Variants in A2M observed in about 807,000 individuals in gnomAD.
The protein encoded by A2M is alpha-2-macroglobulin.
Under a neutral mutation model 183.9 loss-of-function variants are expected in A2M, and 128 were observed. That is an observed-to-expected ratio of 0.70 (90% confidence interval 0.60 to 0.81). The LOEUF is 0.81. Ranked by LOEUF, A2M falls within the 30% of genes least tolerant of loss-of-function variation. The pLI is 0.00. For synonymous variants in A2M, 592 were observed against 670.8 expected (o/e 0.88, Z 1.81); for missense variants, 1,495 against 1,787.6 (o/e 0.84, Z 2.95).
rs1252821370 is a variant in A2M, at chr12:9,093,660, AAAAAAAC to A, written c.2126-88_2126-82del. ...AGAATGTAATAGTTGCCACCAAAAA[AAAAAAAC>A]AAAAAACAAATCGTCTGATGAAATA... On this transcript the variant is annotated intron_variant, in intron 17 of 35. Coordinates refer to ENST00000318602, the MANE Select transcript of A2M (RefSeq NM_000014.6). 2.2e-5 allele frequency: 17 copies of A among 788,764 alleles called. No homozygotes were observed. The Admixed American group carries it at 2.5e-4, about 12-fold the overall frequency. The allele number at this position is 788,764 out of a possible 1,614,324, so 48.9% of individuals were successfully genotyped here. A position where few individuals can be genotyped will look rare whatever the true frequency, so the allele number is the denominator to read the frequency against.
In A2M at chr12:9,089,070, A is replaced by G. The variant is rs753575497; in HGVS notation, c.2770+130T>C. ...GGCCTTCCTAAGAACTATTTTCCAC[A>G]TTTGTCAAATGCATTGATGGTGCTT... On this transcript the variant is annotated intron_variant, in intron 22 of 35. Transcript: ENST00000318602. The G allele has an allele frequency of 3.3e-5, 24 of 728,806 alleles. No individual in the cohort carries two copies. In the East Asian group the frequency reaches 6.3e-4, roughly 19 times the overall value. 45.1% of individuals were successfully genotyped at this position (728,806 alleles called of 1,614,324 possible).
At chr12:9,101,942 G>A (rs749035299) in intron 11 of A2M, among the ~76,000 whole-genome samples, 50 of 152,250 alleles carry the variant, frequency 3.3e-4, no homozygotes, top group African/African-American at 1.1e-3. Context: ...TGATTAGCTT[G>A]CTTGAAATTT....
chr12:9,077,439 G>T lies in A2M; in HGVS notation c.3277-19C>A. On this transcript the variant is annotated intron_variant, in intron 26 of 35. Coordinates refer to ENST00000318602, the MANE Select transcript of A2M (RefSeq NM_000014.6). ...CTCCTCCCTGTGAATACGAGAGAGA[G>T]ATCTGAATAATTCAACTTCTGAGAA... 1 of 1,603,414 alleles carries T rather than the reference G, an allele frequency of 6.2e-7. No homozygotes were observed. Among genetic ancestry groups the T allele is most frequent in the Non-Finnish European group, 8.5e-7 (1 of 1,172,100 alleles).
chr12:9,082,258 A>G (rs1428585967), intron 22 of A2M, among the ~76,000 whole-genome samples: 1 of 152,166 alleles, frequency 6.6e-6, no homozygotes, highest in East Asian at 1.9e-4. Context: ...ACCTAACCTC[A>G]CAGCCCGGAT....
At position 9,101,185 on chromosome 12, in the gene A2M, A is replaced by G; in HGVS notation, c.1517T>C (p.Val506Ala). The G allele has an allele frequency of 6.4e-7, 1 of 1,561,400 alleles. No individual in the cohort carries two copies. ...YYLIMAKGGI[V>A]RTGTHGLLVK... ...AAGCAGTCCATGAGTCCCAGTTCGG[A>G]CAATGCCTCCCTTTGCCATTATCTG... Residue 506 changes from valine to alanine, a missense_variant, in exon 13 of 36, where the codon GTC becomes GCC. Val to Ala is a moderately conservative substitution (Grantham distance 64, BLOSUM62 0). Coordinates refer to ENST00000318602, the MANE Select transcript of A2M (RefSeq NM_000014.6).
chr12:9,105,742 A>G (rs1365928223), intron 10 of A2M, among the ~76,000 whole-genome samples: 1 of 152,204 alleles, frequency 6.6e-6, no homozygotes, highest in East Asian at 1.9e-4. Context: ...TGTTATAGAA[A>G]AATAGTGTAA....
At chr12:9,077,021 A>T in intron 27 of A2M, 85 bp from the exon 28 acceptor site, 1 of 1,326,046 alleles carries the variant, frequency 7.5e-7, no homozygotes. Context: ...CACAGCACAG[A>T]AGTTTTTCAA....
intron 4 of A2M, among the ~76,000 whole-genome samples, chr12:9,110,607 A>G (rs1186650326): frequency 1.3e-5 from 2 of 151,668 alleles, no homozygotes; most frequent in African/African-American, 4.8e-5. Context: ...ATGGATAATG[A>G]TAATGATTAT....
At chr12:9,085,760 G>C (rs1312872167) in intron 22 of A2M, among the ~76,000 whole-genome samples, 2 of 151,898 alleles carry the variant, frequency 1.3e-5, no homozygotes, top group Non-Finnish European at 2.9e-5. Context: ...AGCTAGGTTA[G>C]CTAAGAAAAA....
At chr12:9,112,126 A>G in intron 4 of A2M, 33 bp downstream of exon 4, 1 of 1,609,000 alleles carries the variant, frequency 6.2e-7, no homozygotes, top group East Asian at 2.2e-5. Flanking sequence ...GTTTATACAG[A>G]CAATCATTTT....
chr12:9,069,078 C>T (rs1265465722), intron 33 of A2M: 2 of 361,032 alleles, frequency 5.5e-6, no homozygotes, highest in Non-Finnish European at 9.9e-6. Context: ...TAGCTCTGTT[C>T]ATGGGGGTAA....
chr12:9,102,368 C>G (rs1383748711), intron 11 of A2M, among the ~76,000 whole-genome samples: 1 of 152,088 alleles, frequency 6.6e-6, no homozygotes, highest in East Asian at 1.9e-4. Flanking sequence ...GTGCATGCCA[C>G]CCCACCCAGC....
rs748752396 is a variant in A2M, at chr12:9,077,046, C to T, written c.3352-110G>A. The T allele has an allele frequency of 7.7e-4, 734 of 950,188 alleles. 1 individual carries two copies. The highest frequency in any genetic ancestry group is 3.1e-3 in the East Asian group (124 of 40,092). 58.9% of individuals were successfully genotyped at this position (950,188 alleles called of 1,614,324 possible). ...AAGTTTTTCAAACGCATTTTTCCAA[C>T]GATTCCTCATTCTTATCAATAGATA... On this transcript the variant is annotated intron_variant, in intron 27 of 35. Coordinates refer to ENST00000318602, the MANE Select transcript of A2M (RefSeq NM_000014.6).
intron 17 of A2M, among the ~76,000 whole-genome samples, chr12:9,094,284 A>G (rs940411034): frequency 7.4e-5 from 11 of 148,730 alleles, no homozygotes; most frequent in African/African-American, 2.7e-4. Context: ...TTCACCTTCT[A>G]TTAAGGGTGT....
At chr12:9,088,584 C>T (rs1481006771) in intron 22 of A2M, among the ~76,000 whole-genome samples, 1 of 152,080 alleles carries the variant, frequency 6.6e-6, no homozygotes, top group Non-Finnish European at 1.5e-5. Flanking sequence ...CAGAGAAAGG[C>T]AATGAACCTA....
intron 22 of A2M, among the ~76,000 whole-genome samples, chr12:9,080,601 CA>C (rs1948881624): frequency 6.6e-6 from 1 of 152,190 alleles, no homozygotes; most frequent in African/African-American, 2.4e-5. Flanking sequence ...AAATTACCCA[CA>C]AAAGGTCCTG....
At chr12:9,104,971 AC>A (rs1403758475) in intron 10 of A2M, among the ~76,000 whole-genome samples, 3 of 152,118 alleles carry the variant, frequency 2.0e-5, no homozygotes, top group Non-Finnish European at 4.4e-5. Flanking sequence ...CTGCTTCTCA[AC>A]CTAGATCTTC....
At chr12:9,097,045 T>C (rs994118971) in intron 15 of A2M, among the ~76,000 whole-genome samples, 1 of 152,212 alleles carries the variant, frequency 6.6e-6, no homozygotes, top group African/African-American at 2.4e-5. Context: ...CCCTGAAAGC[T>C]TCTGCTTTAT....
At position 9,104,276 on chromosome 12, in the gene A2M, T is replaced by G. The variant is rs766284551; in HGVS notation, c.1229A>C (p.Asn410Thr). 1.6e-5 allele frequency: 26 copies of G among 1,613,094 alleles called. No homozygotes were observed. In the East Asian group the frequency reaches 5.4e-4, roughly 33 times the overall value. Reference sequence around the variant, plus strand: ...AGAGGTACCCATAACATTGGTGGTGTTGATAGAGAACTGTACAAGGCCATG... The same window carrying G: ...AGAGGTACCCATAACATTGGTGGTGGTGATAGAGAACTGTACAAGGCCATG... ...DEHGLVQFSI[N>T]TTNVMGTSLT... Residue 410 changes from asparagine to threonine, a missense_variant, in exon 11 of 36, where the codon AAC (asparagine) becomes ACC (threonine). Transcript: ENST00000318602.
Sources: gnomAD v4.1 joint callset for allele counts (sites outside exome capture counted in the v4.1 genomes callset) on GRCh38, gnomAD v4.1.1 for gene constraint, MANE v1.5 for transcripts, NCBI Gene and HGNC (gene_info 2026-07-23, HGNC 2026-07-21) for gene names.